The following FHIT variants were observed in gnomAD, a reference collection of about 807,000 sequenced individuals.
FHIT encodes fragile histidine triad diadenosine triphosphatase.
FHIT carries 19 observed loss-of-function variants against 17.9 expected under a neutral mutation model. The ratio of observed to expected loss-of-function variants is 1.06; its 90% CI spans 0.74 to 1.56. The LOEUF (loss-of-function observed/expected upper bound fraction) is 1.56. Ranked by LOEUF, FHIT falls within the 40% of genes most tolerant of loss-of-function variation. The pLI is 0.00. For synonymous variants in FHIT, 81 were observed against 69.7 expected, an observed-to-expected ratio of 1.16 and a Z score of -0.81; for missense variants, 248 against 189.2, an observed-to-expected ratio of 1.31 and a Z score of -1.82.
intron 4 of FHIT, among the ~76,000 whole-genome samples, chr3:60,718,366 T>C (rs2041734474): frequency 6.6e-6 from 1 of 152,204 alleles, no homozygotes; most frequent in Non-Finnish European, 1.5e-5. Flanking sequence ...AGGAACATTC[T>C]ATGGCTGCCA....
rs1707331369 is a variant in FHIT at position 60,922,382 on chromosome 3, C to G, written c.-110-100371G>C. Reference sequence around the variant, plus strand: ...AAGAAATAAAAATGCATCCTGGGTGCTTGGCAAATCAGCCCAGTGTCAGAT... The same window carrying G: ...AAGAAATAAAAATGCATCCTGGGTGGTTGGCAAATCAGCCCAGTGTCAGAT... On this transcript the variant is annotated intron_variant, in intron 3 of 9. Transcript: ENST00000492590. 4.6e-5 allele frequency among the ~76,000 whole-genome samples: 7 copies of G among 152,168 alleles called. No homozygotes were observed. In the South Asian group the frequency reaches 1.5e-3, roughly 32 times the overall value.
chr3:60,014,323 G>A (rs1020608004), intron 5 of FHIT, among the ~76,000 whole-genome samples, 171 bp from the exon 6 acceptor site: 1 of 152,200 alleles, frequency 6.6e-6, no homozygotes, highest in Admixed American at 6.5e-5. Context: ...TTGAAAGAGA[G>A]CTCCCATACA....
chr3:59,868,068 C>G (rs1468144966), intron 8 of FHIT, among the ~76,000 whole-genome samples: 1 of 135,902 alleles, frequency 7.4e-6, no homozygotes, highest in Non-Finnish European at 1.6e-5. Flanking sequence ...AAAAAAAAAC[C>G]TTTCATTGTG....
intron 7 of FHIT, among the ~76,000 whole-genome samples, chr3:59,972,946 C>G (rs1056749370): frequency 2.0e-5 from 3 of 152,076 alleles, no homozygotes; most frequent in Admixed American, 6.6e-5. Context: ...CCTGACTTAT[C>G]TCTTCCTCAA....
At chr3:60,518,335 G>C (rs1216881206) in intron 5 of FHIT, among the ~76,000 whole-genome samples, 1 of 152,082 alleles carries the variant, frequency 6.6e-6, no homozygotes, top group African/African-American at 2.4e-5. Context: ...CACCTTCATA[G>C]GTAACTTATT....
rs1553654689 is a variant in FHIT at position 60,569,732 on chromosome 3, T to TATATATATATAC, written c.-17-32754_-17-32753insGTATATATATAT. Among the ~76,000 whole-genome samples the TATATATATATAC allele has an allele frequency of 1.3e-4, 4 of 31,736 alleles. No homozygotes were observed. The East Asian group carries it at 5.5e-3, about 44-fold the overall frequency. 20.8% of individuals were successfully genotyped at this position (31,736 alleles called of 152,430 possible). On this transcript the variant is annotated intron_variant, in intron 4 of 9. Transcript: ENST00000492590. ...GATATTTATTTATTAATACTATATA[T>TATATATATATAC]ATATATATATATATATATATATATT...
At chr3:60,416,310 G>A (rs1235788006) in intron 5 of FHIT, among the ~76,000 whole-genome samples, 1 of 152,114 alleles carries the variant, frequency 6.6e-6, no homozygotes, top group African/African-American at 2.4e-5. Flanking sequence ...AAGGGCATTT[G>A]ACAGTTTGTT....
In FHIT at chr3:61,239,981, C is replaced by G. The variant is rs542204489; in HGVS notation, c.-213+11320G>C. ...GCATATAGTTCCAGCAGTCCTCAACCCACAGGAGTTGGACCCAGCTGTTCC... is the reference window on the plus strand; with the variant it reads ...GCATATAGTTCCAGCAGTCCTCAACGCACAGGAGTTGGACCCAGCTGTTCC... On this transcript the variant is annotated intron_variant, in intron 1 of 9. Transcript: ENST00000492590. Among the ~76,000 whole-genome samples, 36 of 152,144 alleles carry G rather than the reference C, an allele frequency of 2.4e-4. No individual in the cohort carries two copies. The East Asian group carries it at 5.1e-3, about 21-fold the overall frequency.
At chr3:60,548,405 T>C (rs1576854861) in intron 4 of FHIT, among the ~76,000 whole-genome samples, 1 of 152,114 alleles carries the variant, frequency 6.6e-6, no homozygotes, top group South Asian at 2.1e-4. Context: ...TACAAACTTT[T>C]TGAGAGCATG....
chr3:60,263,251 G>T (rs1270183182), intron 5 of FHIT, among the ~76,000 whole-genome samples: 1 of 151,984 alleles, frequency 6.6e-6, no homozygotes, highest in Admixed American at 6.6e-5. Context: ...TGATGGTAGA[G>T]TGAAAACTGA....
chr3:60,683,466 C>T (rs1420206874), intron 4 of FHIT, among the ~76,000 whole-genome samples: 2 of 152,080 alleles, frequency 1.3e-5, no homozygotes, highest in Non-Finnish European at 2.9e-5. Flanking sequence ...AAGATTATGA[C>T]TTACTGAAGG....
chr3:60,353,618 T>A (rs985062475), intron 5 of FHIT, among the ~76,000 whole-genome samples: 3 of 152,182 alleles, frequency 2.0e-5, no homozygotes, highest in East Asian at 1.9e-4. Context: ...TGAGATTTTT[T>A]ATTTTTTTAA....
intron 2 of FHIT, among the ~76,000 whole-genome samples, chr3:61,188,375 A>C (rs1343990683): frequency 6.6e-6 from 1 of 152,236 alleles, no homozygotes; most frequent in Non-Finnish European, 1.5e-5. Flanking sequence ...TCCCAAGACT[A>C]AACCAGAAAG....
chr3:60,784,680 G>A (rs1700503869), intron 4 of FHIT, among the ~76,000 whole-genome samples: 1 of 152,164 alleles, frequency 6.6e-6, no homozygotes, highest in Non-Finnish European at 1.5e-5. Context: ...ATCTCTTAAA[G>A]CCTAGGGGAG....
chr3:60,370,038 T>A (rs1298650240), intron 5 of FHIT, among the ~76,000 whole-genome samples: 1 of 152,212 alleles, frequency 6.6e-6, no homozygotes, highest in Non-Finnish European at 1.5e-5. Flanking sequence ...GACAAAAGTA[T>A]CCGCTATAGG....
chr3:61,097,761 GTGTT>G (rs1293260498), intron 2 of FHIT, among the ~76,000 whole-genome samples: 1 of 152,096 alleles, frequency 6.6e-6, no homozygotes, highest in African/African-American at 2.4e-5. Flanking sequence ...CTTTTGAAAA[GTGTT>G]TGTTCATGTC....
At chr3:59,822,107 G>T (rs145069276) in intron 8 of FHIT, among the ~76,000 whole-genome samples, 89 of 152,252 alleles carry the variant, frequency 5.8e-4, no homozygotes, top group Middle Eastern at 3.4e-3. Flanking sequence ...GTTCCATCCA[G>T]GTTGCTGTGA....
chr3:60,437,004 TA>T (rs2030323555), intron 5 of FHIT, among the ~76,000 whole-genome samples: 1 of 152,124 alleles, frequency 6.6e-6, no homozygotes, highest in African/African-American at 2.4e-5. Context: ...GAACAGCACC[TA>T]ACAAGCACCT....
In FHIT at chr3:61,194,961, A is replaced by G. The variant is rs993508837; in HGVS notation, c.-164+5656T>C. Among the ~76,000 whole-genome samples the G allele has an allele frequency of 3.5e-5, 5 of 142,582 alleles. No homozygotes were observed. In the Admixed American group the frequency reaches 3.5e-4, roughly 10 times the overall value. 93.5% of individuals were successfully genotyped at this position (142,582 alleles called of 152,430 possible). A position where few individuals can be genotyped will look rare whatever the true frequency, so the allele number is the denominator to read the frequency against. Reference sequence around the variant, plus strand: ...GGCCAAATTTTATTGCTTCTCTCATACGTGATAAACAAGAAATGCCATAAG... The same window carrying G: ...GGCCAAATTTTATTGCTTCTCTCATGCGTGATAAACAAGAAATGCCATAAG... On this transcript the variant is annotated intron_variant, in intron 2 of 9. Transcript: ENST00000492590.
Sources: allele counts gnomAD v4.1 joint callset (sites outside exome capture counted in the v4.1 genomes callset), GRCh38; gene constraint gnomAD v4.1.1; transcripts MANE v1.5; gene names NCBI Gene and HGNC (gene_info 2026-07-23, HGNC 2026-07-21).